NAALADL2: variants seen among roughly 807,000 people sequenced by gnomAD.
The protein encoded by NAALADL2 is inactive N-acetylated-alpha-linked acidic dipeptidase-like protein 2.
In NAALADL2, 76 loss-of-function variants were observed where a neutral mutation model predicts 87.2. The observed-to-expected ratio is 0.87, with a 90% CI of 0.72 to 1.05. The LOEUF (loss-of-function observed/expected upper bound fraction) is 1.05, where lower values mean the gene tolerates loss of function less well. NAALADL2 is among the 50% of genes least tolerant of loss of function. The pLI, the probability that NAALADL2 is intolerant of heterozygous loss-of-function variation, is 0.00. For missense variants in NAALADL2, 1,089 were observed against 945.8 expected, an observed-to-expected ratio of 1.15 and a Z score of -1.99; for synonymous variants, 354 against 331.0, an observed-to-expected ratio of 1.07 and a Z score of -0.75.
intron 4 of NAALADL2, among the ~76,000 whole-genome samples, chr3:175,270,639 G>T (rs1752691470): frequency 6.6e-6 from 1 of 152,146 alleles, no homozygotes; most frequent in Non-Finnish European, 1.5e-5. Flanking sequence ...TGAATGAGAA[G>T]AATTTGTAAC....
intron 11 of NAALADL2, among the ~76,000 whole-genome samples, chr3:175,667,219 GAAA>G (rs1560943002): frequency 4.8e-5 from 6 of 124,940 alleles, no homozygotes; most frequent in African/African-American, 2.2e-4. Flanking sequence ...AAGAAAGAAA[GAAA>G]GAAAGAAAGA....
At chr3:174,851,911 C>T (rs1046235106) in intron 3 of NAALADL2, among the ~76,000 whole-genome samples, 9 of 152,122 alleles carry the variant, frequency 5.9e-5, no homozygotes, top group African/African-American at 1.7e-4. Context: ...AGGGATGCAA[C>T]GATGGTTCAA....
At chr3:175,727,662 G>A (rs2150052506) in intron 11 of NAALADL2, among the ~76,000 whole-genome samples, 1 of 152,260 alleles carries the variant, frequency 6.6e-6, no homozygotes, top group Non-Finnish European at 1.5e-5. Flanking sequence ...AACTTAAGAA[G>A]GAAAAGTGAG....
intron 2 of NAALADL2, among the ~76,000 whole-genome samples, chr3:175,115,942 A>T (rs1245293245): frequency 6.6e-6 from 1 of 152,002 alleles, no homozygotes; most frequent in African/African-American, 2.4e-5. Flanking sequence ...TATGCAAATC[A>T]ATAAATGTAA....
Position 175,058,567 on chromosome 3 carries a change from T to G in NAALADL2, c.44-38223T>G, listed in dbSNP as rs774322584. ...GCCAAATCTGCTGAAAATGGAGGAA[T>G]GATAAGTCGGGGGGTGCATAATCAA... On this transcript the variant is annotated intron_variant, in intron 1 of 13. Coordinates refer to ENST00000454872, the MANE Select transcript of NAALADL2 (RefSeq NM_207015.3). 2.0e-5 allele frequency among the ~76,000 whole-genome samples: 3 copies of G among 152,118 alleles called. No individual in the cohort carries two copies. In the South Asian group the frequency reaches 6.2e-4, roughly 32 times the overall value.
At chr3:175,164,727 T>C (rs953652544) in intron 2 of NAALADL2, among the ~76,000 whole-genome samples, 1 of 152,138 alleles carries the variant, frequency 6.6e-6, no homozygotes, top group Non-Finnish European at 1.5e-5. Context: ...GACAAGCATG[T>C]CAACCTATTT....
intron 2 of NAALADL2, among the ~76,000 whole-genome samples, chr3:175,102,966 G>A (rs150991837): frequency 7.1e-4 from 108 of 152,058 alleles, no homozygotes; most frequent in African/African-American, 2.4e-3. Context: ...AAAATTACCC[G>A]GGCATGGTGG....
At chr3:175,180,707 C>G (rs956887401) in intron 2 of NAALADL2, among the ~76,000 whole-genome samples, 1 of 149,010 alleles carries the variant, frequency 6.7e-6, no homozygotes, top group Admixed American at 6.8e-5. Context: ...TCATAAATAT[C>G]ATTAGTTATT....
At chr3:175,651,456 C>T (rs997516242) in intron 11 of NAALADL2, among the ~76,000 whole-genome samples, 5 of 152,038 alleles carry the variant, frequency 3.3e-5, no homozygotes, top group Non-Finnish European at 7.4e-5. Flanking sequence ...TGGTTTCACT[C>T]TAATTCATTT....
At chr3:174,749,810 G>T (rs1223488655) in intron 3 of NAALADL2, among the ~76,000 whole-genome samples, 5 of 151,986 alleles carry the variant, frequency 3.3e-5, no homozygotes, top group African/African-American at 1.2e-4. Flanking sequence ...TTTCTTTCCC[G>T]TATCTCTGCT....
intron 1 of NAALADL2, among the ~76,000 whole-genome samples, chr3:174,886,127 A>G (rs1226194049): frequency 6.6e-6 from 1 of 151,478 alleles, no homozygotes; most frequent in Non-Finnish European, 1.5e-5. Context: ...GTTAGCCAGG[A>G]TGGTCTTGAT....
chr3:175,352,046 G>T (rs185153214), intron 5 of NAALADL2, among the ~76,000 whole-genome samples: 1 of 152,044 alleles, frequency 6.6e-6, no homozygotes, highest in Non-Finnish European at 1.5e-5. Flanking sequence ...ACAGTGACAC[G>T]CATGCATCGA....
chr3:175,444,381 C>A (rs2149213407), intron 5 of NAALADL2, among the ~76,000 whole-genome samples: 1 of 152,314 alleles, frequency 6.6e-6, no homozygotes, highest in Non-Finnish European at 1.5e-5. Context: ...AAACATGAAT[C>A]AATTTGTCCT....
At chr3:174,539,977 GAAAAAA>G (rs57394560) in intron 1 of NAALADL2, among the ~76,000 whole-genome samples, 17 of 51,206 alleles carry the variant, frequency 3.3e-4, no homozygotes, top group South Asian at 1.3e-3. Flanking sequence ...GGAAGTTCTG[GAAAAAA>G]AAAAAAAAAA....
intron 2 of NAALADL2, among the ~76,000 whole-genome samples, chr3:175,182,459 C>G (rs188401599): frequency 4.0e-4 from 60 of 151,548 alleles, no homozygotes; most frequent in African/African-American, 1.3e-3. Flanking sequence ...ATGATTATAG[C>G]TCACTGCAAC....
intron 3 of NAALADL2, among the ~76,000 whole-genome samples, chr3:174,739,029 T>C (rs1275102969): frequency 6.6e-6 from 1 of 152,152 alleles, no homozygotes; most frequent in East Asian, 1.9e-4. Context: ...ATTTGTATTT[T>C]CTTTTTATCA....
Position 175,005,027 on chromosome 3 carries a change from T to C in NAALADL2, c.44-91763T>C, listed in dbSNP as rs1353887814. On this transcript the variant is annotated intron_variant, in intron 1 of 13. Coordinates refer to ENST00000454872, the MANE Select transcript of NAALADL2 (RefSeq NM_207015.3). ...AACAGAAAACGAGTAAAATGAAATG[T>C]ATTTGGAATAGGTACTTCCTCTTGC... is the stretch of plus-strand genomic sequence containing the variant. Among the ~76,000 whole-genome samples the C allele has an allele frequency of 2.0e-5, 3 of 152,204 alleles. No individual in the cohort carries two copies. The East Asian group carries it at 5.8e-4, about 29-fold the overall frequency.
At chr3:175,024,203 A>G (rs567212764) in intron 1 of NAALADL2, among the ~76,000 whole-genome samples, 1 of 152,174 alleles carries the variant, frequency 6.6e-6, no homozygotes, top group African/African-American at 2.4e-5. Flanking sequence ...TATTTATGTA[A>G]TTATGTAAAC....
At chr3:175,760,167 C>A (rs1747816304) in intron 13 of NAALADL2, among the ~76,000 whole-genome samples, 1 of 152,032 alleles carries the variant, frequency 6.6e-6, no homozygotes, top group Admixed American at 6.5e-5. Flanking sequence ...AGTCTCGTTG[C>A]AGGTTGTTTT....
Sources: gnomAD v4.1 joint callset for allele counts (sites outside exome capture counted in the v4.1 genomes callset) on GRCh38, gnomAD v4.1.1 for gene constraint, MANE v1.5 for transcripts, NCBI Gene and HGNC (gene_info 2026-07-23, HGNC 2026-07-21) for gene names.